Variants in DDX42 observed in about 807,000 individuals in gnomAD.
DDX42 encodes the protein DEAD-box helicase 42.
In DDX42, 22 loss-of-function variants were observed where a neutral mutation model predicts 101.5. That is an observed-to-expected ratio of 0.22 (90% confidence interval 0.15 to 0.31). The LOEUF (loss-of-function observed/expected upper bound fraction) is 0.31, where lower values mean the gene tolerates loss of function less well. DDX42 is among the 10% of genes least tolerant of loss of function. The probability of loss-of-function intolerance (pLI) is 1.00; values close to 1 mark genes in which losing one functional copy is unlikely to be tolerated. For missense variants in DDX42, 849 were observed against 1,199.9 expected, an observed-to-expected ratio of 0.71 and a Z score of 4.32; for synonymous variants, 402 against 401.2, an observed-to-expected ratio of 1.00 and a Z score of -0.02.
chr17:63,790,241 T>C lies in DDX42; in HGVS notation c.222-2171T>C, dbSNP rs1177571195. Among the ~76,000 whole-genome samples the C allele has an allele frequency of 3.3e-5, 5 of 152,360 alleles. No homozygotes were observed. The East Asian group carries it at 9.6e-4, about 29-fold the overall frequency. On this transcript the variant is annotated intron_variant, in intron 2 of 17. Transcript: ENST00000389924. ...TGTATGCTATATATTGCATATATAT[T>C]GCATCGTATAGTATATAGCGTGAGT...
At chr17:63,789,735 G>A (rs2039602929) in intron 2 of DDX42, among the ~76,000 whole-genome samples, 1 of 151,610 alleles carries the variant, frequency 6.6e-6, no homozygotes, top group Admixed American at 6.6e-5. Context: ...CACCACGCCT[G>A]GCTAATTTTG....
chr17:63,806,157 A>T (rs1268289390), intron 7 of DDX42: 1 of 157,366 alleles, frequency 6.4e-6, no homozygotes, highest in Non-Finnish European at 1.4e-5. Flanking sequence ...CAAGAGTAAG[A>T]TACATTAATT....
chr17:63,776,133 A>G (rs1201153977), intron 1 of DDX42: 1 of 152,270 alleles, frequency 6.6e-6, no homozygotes, highest in Non-Finnish European at 1.5e-5. Context: ...CAAAAATACA[A>G]GTGATAAAGT....
In DDX42 at chr17:63,818,094, G is replaced by A. The variant is rs1200498813; in HGVS notation, c.2513G>A (p.Gly838Asp). 1 of 1,613,914 alleles carries A rather than the reference G, an allele frequency of 6.2e-7. No individual in the cohort carries two copies. Among genetic ancestry groups the A allele is most frequent in the Non-Finnish European group, 8.5e-7 (1 of 1,180,040 alleles). ...GATAGTCCACGTCACGGAGATGGTGGTCGCCATGGAGATGGATACCGCCAT... is the reference window on the plus strand; with the variant it reads ...GATAGTCCACGTCACGGAGATGGTGATCGCCATGGAGATGGATACCGCCAT... ...HSDSPRHGDG[G>D]RHGDGYRHPE... Residue 838 changes from glycine (G) to aspartate (D), a missense_variant, in exon 18 of 18, where the codon GGT (glycine) becomes GAT (aspartate). Physicochemically the swap from Gly to Asp is moderately conservative, Grantham distance 94 (BLOSUM62 -1). Around this residue, in one of 5 missense-constraint regions of DDX42, gnomAD observed 300 missense variants for 304.9 expected, o/e 0.98. Coordinates refer to ENST00000389924, the MANE Select transcript of DDX42 (RefSeq NM_203499.3).
intron 12 of DDX42, 136 bp downstream of exon 12, chr17:63,810,696 T>A (rs2039899494): frequency 7.3e-6 from 6 of 826,618 alleles, no homozygotes; most frequent in Non-Finnish European, 1.2e-5. Context: ...AGGTAATGAG[T>A]TTATCTGAGC....
intron 1 of DDX42, among the ~76,000 whole-genome samples, chr17:63,782,062 C>T (rs1213678537): frequency 2.0e-5 from 3 of 151,938 alleles, no homozygotes; most frequent in East Asian, 1.9e-4. Context: ...CAGTGGATCA[C>T]GAGGTCAGGA....
intron 13 of DDX42, 98 bp downstream of exon 13, chr17:63,811,271 T>C: frequency 1.0e-6 from 1 of 953,148 alleles, no homozygotes; most frequent in Non-Finnish European, 1.5e-6. Context: ...AAAAAAAAGA[T>C]GTTATGTTTA....
chr17:63,782,402 C>T (rs1346827508), intron 1 of DDX42, among the ~76,000 whole-genome samples: 3 of 150,938 alleles, frequency 2.0e-5, no homozygotes, highest in Non-Finnish European at 4.4e-5. Context: ...ACTCCGGACC[C>T]CTCTCTGCAG....
chr17:63,814,934 C>T (rs2039958773), intron 15 of DDX42, among the ~76,000 whole-genome samples: 1 of 152,166 alleles, frequency 6.6e-6, no homozygotes, highest in African/African-American at 2.4e-5. Flanking sequence ...AGTGATCCGC[C>T]CACCTCGGCC....
At chr17:63,811,737 T>C (rs2039912650) in intron 13 of DDX42, 195 bp from the exon 14 acceptor site, 2 of 688,628 alleles carry the variant, frequency 2.9e-6, no homozygotes, top group Non-Finnish European at 5.1e-6. Context: ...AAATTAGGTA[T>C]GTACACCAGG....
chr17:63,774,257 G>A lies in DDX42; in HGVS notation c.-136G>A, dbSNP rs1034338682. Reference sequence around the variant, plus strand: ...GGTGGTGGTGGTGGCGGCGGCGGCGGCGAAGGGGGCGGAGAGGAAGGAGCG... The same window carrying A: ...GGTGGTGGTGGTGGCGGCGGCGGCGACGAAGGGGGCGGAGAGGAAGGAGCG... On this transcript the variant is annotated 5_prime_UTR_variant, in exon 1 of 18. Coordinates refer to ENST00000389924, the MANE Select transcript of DDX42 (RefSeq NM_203499.3). 1.6e-4 allele frequency: 48 copies of A among 297,852 alleles called. 14 individuals carry two copies. Among genetic ancestry groups the A allele is most frequent in the Non-Finnish European group, 2.8e-4 (47 of 166,342 alleles). 18.5% of individuals were successfully genotyped at this position (297,852 alleles called of 1,614,324 possible). A position where few individuals can be genotyped will look rare whatever the true frequency, so the allele number is the denominator to read the frequency against.
At chr17:63,774,661 A>G (rs906978600) in intron 1 of DDX42, 9 of 152,762 alleles carry the variant, frequency 5.9e-5, no homozygotes, top group African/African-American at 2.2e-4. Flanking sequence ...CGCCTAGGAA[A>G]AGGATTTGCA....
chr17:63,780,187 T>C lies in DDX42; in HGVS notation c.-17+5811T>C, dbSNP rs1037744619. On this transcript the variant is annotated intron_variant, in intron 1 of 17. Transcript: ENST00000389924. ...GGCACATGCCTGTAATTCCAGCTAC[T>C]TGGGAGGCTGAGGCAGGAGAATCAC... Among the ~76,000 whole-genome samples, 4 of 152,032 alleles carry C rather than the reference T, an allele frequency of 2.6e-5. No homozygotes were observed. In the East Asian group the frequency reaches 5.8e-4, roughly 22 times the overall value.
intron 15 of DDX42, among the ~76,000 whole-genome samples, chr17:63,814,403 C>G (rs1383985536): frequency 3.3e-5 from 5 of 152,210 alleles, no homozygotes; most frequent in African/African-American, 1.2e-4. Flanking sequence ...TGGCAGTGCC[C>G]AAGTTTCTGG....
At position 63,778,355 on chromosome 17, in the gene DDX42, G is replaced by A. The variant is rs527390053; in HGVS notation, c.-17+3979G>A. The stretch of plus-strand genomic sequence containing the variant: ...GACATTCTTGGGACAGTAGTCAGGG[G>A]AGGATTACCTGTCAAATGTCATTCA... On this transcript the variant is annotated intron_variant, in intron 1 of 17. Transcript: ENST00000389924. Among the ~76,000 whole-genome samples the A allele has an allele frequency of 2.0e-4, 30 of 152,322 alleles. No homozygotes were observed. In the South Asian group the frequency reaches 6.2e-3, roughly 32 times the overall value.
At chr17:63,793,878 AT>A (rs67530374) in intron 3 of DDX42, among the ~76,000 whole-genome samples, 43,931 of 141,336 alleles carry the variant, frequency 0.31, 7,510 homozygotes, top group African/African-American at 0.49. Flanking sequence ...ATATATATAT[AT>A]AATTTTTTAA....
intron 6 of DDX42, among the ~76,000 whole-genome samples, chr17:63,801,109 G>T (rs2039763499): frequency 6.6e-6 from 1 of 151,388 alleles, no homozygotes; most frequent in Non-Finnish European, 1.5e-5. Flanking sequence ...GAGTGCAGTG[G>T]CACAGTCTTG....
At chr17:63,814,012 G>A (rs957660544) in intron 15 of DDX42, among the ~76,000 whole-genome samples, 1 of 152,024 alleles carries the variant, frequency 6.6e-6, no homozygotes, top group Non-Finnish European at 1.5e-5. Context: ...GCCAATTTTT[G>A]TAATTTTAGT....
At chr17:63,790,390 C>T (rs973174831) in intron 2 of DDX42, among the ~76,000 whole-genome samples, 11 of 151,920 alleles carry the variant, frequency 7.2e-5, no homozygotes, top group South Asian at 4.2e-4. Context: ...TTTGGGAGGC[C>T]GAGGTGGGTG....
Sources: gnomAD v4.1 joint callset for allele counts (sites outside exome capture counted in the v4.1 genomes callset) on GRCh38, gnomAD v4.1.1 for gene constraint, gnomAD v4.1.1 regional missense constraint, MANE v1.5 for transcripts, NCBI Gene and HGNC (gene_info 2026-07-23, HGNC 2026-07-21) for gene names.